Variants in PCDHGB2 observed in about 807,000 individuals in gnomAD.
PCDHGB2 encodes protocadherin gamma subfamily B, 2, also known as protocadherin gamma-B2.
A neutral mutation model predicts 59.3 loss-of-function variants in PCDHGB2; 55 were observed. That is an observed-to-expected ratio of 0.93 (90% confidence interval 0.75 to 1.16). The LOEUF (loss-of-function observed/expected upper bound fraction) is 1.16. Among genes scored for constraint, PCDHGB2 ranks in the 50% most tolerant of loss-of-function variants. The pLI is 0.00. For synonymous variants in PCDHGB2, 516 were observed against 512.0 expected (o/e 1.01, Z -0.11); for missense variants, 1,228 against 1,198.5 (o/e 1.02, Z -0.36).
At chr5:141,480,046 A>G (rs919527311) in intron 1 of PCDHGB2, among the ~76,000 whole-genome samples, 1 of 152,206 alleles carries the variant, frequency 6.6e-6, no homozygotes, top group Non-Finnish European at 1.5e-5. Context: ...ATATGCAAAA[A>G]GGGAATAATA....
intron 1 of PCDHGB2, chr5:141,423,320 T>C: frequency 6.2e-7 from 1 of 1,614,148 alleles, no homozygotes; most frequent in Non-Finnish European, 8.5e-7. Flanking sequence ...GTGGTGGCGG[T>C]GGCCGCAGTC....
At chr5:141,372,747 G>C (rs749618566) in intron 1 of PCDHGB2, 2 of 1,613,418 alleles carry the variant, frequency 1.2e-6, no homozygotes, top group Non-Finnish European at 1.7e-6. Flanking sequence ...ATGTGATGAA[G>C]CCTCTTGGTT....
intron 1 of PCDHGB2, among the ~76,000 whole-genome samples, chr5:141,447,082 T>A (rs1259827606): frequency 6.6e-6 from 1 of 152,156 alleles, no homozygotes; most frequent in Non-Finnish European, 1.5e-5. Flanking sequence ...ATTTTTGTTG[T>A]TTAATTTTCT....
chr5:141,391,681 T>TC (rs2092407596), intron 1 of PCDHGB2: 4 of 152,210 alleles, frequency 2.6e-5, no homozygotes, highest in Admixed American at 2.6e-4. Context: ...TGAAATAAGT[T>TC]CATCTGCTAC....
chr5:141,470,836 C>T lies in PCDHGB2; in HGVS notation c.2422-23971C>T, dbSNP rs577375498. On this transcript the variant is annotated intron_variant, in intron 1 of 3. Transcript: ENST00000522605. ...CTGAGTAGTTAGGACGACAAACACA[C>T]GCCACCATGCTCAGATAAGTTTTTT... 2.6e-5 allele frequency among the ~76,000 whole-genome samples: 4 copies of T among 152,176 alleles called. No homozygotes were observed. The East Asian group carries it at 5.8e-4, about 22-fold the overall frequency.
At chr5:141,451,050 G>A (rs915545429) in intron 1 of PCDHGB2, among the ~76,000 whole-genome samples, 6 of 151,352 alleles carry the variant, frequency 4.0e-5, no homozygotes, top group South Asian at 4.2e-4. Flanking sequence ...GGCTGGTCTC[G>A]AACTCCTGAC....
chr5:141,377,257 C>CT (rs1361180220), intron 1 of PCDHGB2: 1 of 147,998 alleles, frequency 6.8e-6, no homozygotes, highest in Non-Finnish European at 1.5e-5. Context: ...AAGGTTCTTT[C>CT]TTTTTCTAAT....
intron 1 of PCDHGB2, among the ~76,000 whole-genome samples, chr5:141,448,784 C>CAA (rs576464275): frequency 4.8e-5 from 7 of 145,806 alleles, no homozygotes; most frequent in East Asian, 2.0e-4. Context: ...ACTAAAAATA[C>CAA]AAAAAAAAAA....
Position 141,491,405 on chromosome 5 carries a change from A to C in PCDHGB2, c.2422-3402A>C. 6.2e-7 allele frequency: 1 copy of C among 1,614,096 alleles called. No individual in the cohort carries two copies. Among genetic ancestry groups the C allele is most frequent in the Non-Finnish European group, 8.5e-7 (1 of 1,179,998 alleles). On this transcript the variant is annotated intron_variant, in intron 1 of 3. Coordinates refer to ENST00000522605, the MANE Select transcript of PCDHGB2 (RefSeq NM_018923.3). This position sits in a 1 kb window ranked among gnomAD's most constrained non-coding sequence, Gnocchi z 6.9. ...GCGAAGTGCCTTCAGGGAAACGCAG[A>C]CGGGGACGGGGGTGGAGGGCAGTGC... is the stretch of plus-strand genomic sequence containing the variant.
At chr5:141,450,190 G>A (rs1368992094) in intron 1 of PCDHGB2, among the ~76,000 whole-genome samples, 1 of 151,588 alleles carries the variant, frequency 6.6e-6, no homozygotes, top group African/African-American at 2.4e-5. Flanking sequence ...GCTAATTTTT[G>A]TATTTTTAGT....
intron 1 of PCDHGB2, chr5:141,372,783 C>G (rs1324941616): frequency 1.9e-6 from 3 of 1,606,014 alleles, no homozygotes; most frequent in South Asian, 2.2e-5. Context: ...TCCAGAAATG[C>G]CTTCTAATTC....
chr5:141,417,633 G>C, intron 1 of PCDHGB2: 1 of 712,146 alleles, frequency 1.4e-6, no homozygotes, highest in South Asian at 2.3e-5. Flanking sequence ...CGCTGACGCC[G>C]GGGATCCCTC....
intron 1 of PCDHGB2, chr5:141,389,539 A>G (rs762558713): frequency 6.2e-7 from 1 of 1,613,218 alleles, no homozygotes; most frequent in Non-Finnish European, 8.5e-7. Context: ...TTAGTGGACG[A>G]CCGCAACGAC....
chr5:141,453,559 C>T (rs2098769120), intron 1 of PCDHGB2, among the ~76,000 whole-genome samples: 1 of 152,126 alleles, frequency 6.6e-6, no homozygotes, highest in Non-Finnish European at 1.5e-5. Context: ...TGTAGATAAT[C>T]GATTTCATTA....
chr5:141,370,490 G>C (rs780342479), intron 1 of PCDHGB2: 2 of 1,613,894 alleles, frequency 1.2e-6, no homozygotes, highest in South Asian at 1.1e-5. Flanking sequence ...TCTCCGAACC[G>C]ATCCGCTACG....
chr5:141,409,292 A>G, intron 1 of PCDHGB2: 1 of 1,614,012 alleles, frequency 6.2e-7, no homozygotes, highest in Admixed American at 1.7e-5. Flanking sequence ...ACCTCCAGGA[A>G]TGGTTGTTGC....
At position 141,393,141 on chromosome 5, in the gene PCDHGB2, G is replaced by A. The variant is rs371909748; in HGVS notation, c.2421+30585G>A. 20 of 1,613,182 alleles carry A rather than the reference G, an allele frequency of 1.2e-5. No homozygotes were observed. The African/African-American group carries it at 2.4e-4, about 19-fold the overall frequency. On this transcript the variant is annotated intron_variant, in intron 1 of 3. Coordinates refer to ENST00000522605, the MANE Select transcript of PCDHGB2 (RefSeq NM_018923.3). Reference sequence around the variant, plus strand: ...GTGTCTGATAAATATTAACACCCTGGTTGAGGATAAAGGAAAACTCTTTGG... The same window carrying A: ...GTGTCTGATAAATATTAACACCCTGATTGAGGATAAAGGAAAACTCTTTGG...
At chr5:141,384,645 A>G in intron 1 of PCDHGB2, 1 of 1,614,218 alleles carries the variant, frequency 6.2e-7, no homozygotes, top group Non-Finnish European at 8.5e-7. Flanking sequence ...CCCGCTCCGC[A>G]GAGCCCGGCT....
chr5:141,388,324 A>G, intron 1 of PCDHGB2: 1 of 1,613,978 alleles, frequency 6.2e-7, no homozygotes, highest in Non-Finnish European at 8.5e-7. Context: ...GAGTCTGCAC[A>G]GCCTGGCACA....
Sources: allele counts gnomAD v4.1 joint callset (sites outside exome capture counted in the v4.1 genomes callset), GRCh38; gene constraint gnomAD v4.1.1; non-coding constraint Gnocchi (gnomAD v3.1); transcripts MANE v1.5; gene names NCBI Gene and HGNC (gene_info 2026-07-23, HGNC 2026-07-21).